Variants in RHD observed in about 807,000 individuals in gnomAD.
RHD encodes blood group Rh(D) polypeptide.
RHD carries 16 observed loss-of-function variants against 45.5 expected under a neutral mutation model. The observed-to-expected ratio is 0.35, with a 90% CI of 0.24 to 0.53. The LOEUF is 0.53. Among genes scored for constraint, RHD ranks in the 20% least tolerant of loss-of-function variants. The pLI, the probability that RHD is intolerant of heterozygous loss-of-function variation, is 0.92. For missense variants in RHD, 306 were observed against 532.0 expected, an observed-to-expected ratio of 0.58 and a Z score of 4.18; for synonymous variants, 131 against 217.5, an observed-to-expected ratio of 0.60 and a Z score of 3.50.
chr1:25,285,676 C>G (rs1641918557), intron 2 of RHD, among the ~76,000 whole-genome samples: 1 of 135,208 alleles, frequency 7.4e-6, no homozygotes, highest in South Asian at 2.2e-4. Context: ...AAAATGTTCT[C>G]TATGTTCACC....
chr1:25,318,964 G>A (rs1280633078), intron 8 of RHD, among the ~76,000 whole-genome samples: 1 of 133,192 alleles, frequency 7.5e-6, no homozygotes, highest in Non-Finnish European at 1.8e-5. Flanking sequence ...AAGAAGCAGA[G>A]GCGGAGTAGC....
intron 9 of RHD, among the ~76,000 whole-genome samples, chr1:25,323,573 C>G (rs537576460): frequency 0.015 from 1,832 of 125,716 alleles, 322 homozygotes; most frequent in African/African-American, 0.047. Flanking sequence ...GATCCTCCCC[C>G]CTCAGCCTCC....
chr1:25,313,504 GAT>G lies in RHD; in HGVS notation c.1074-3492_1074-3491del, dbSNP rs1644275402. ...CATTGCTGTACCCTTTTTCCACTGG[GAT>G]ATAGTGTTCTGTCATGCTTGGGTCT... On this transcript the variant is annotated intron_variant, in intron 7 of 9. Transcript: ENST00000328664. 1.5e-5 allele frequency among the ~76,000 whole-genome samples: 2 copies of G among 132,102 alleles called. 1 individual carries two copies. The highest frequency in any genetic ancestry group is 3.6e-5 in the Non-Finnish European group (2 of 55,780). The allele number at this position is 132,102 out of a possible 152,430, so 86.7% of individuals were successfully genotyped here. A position where few individuals can be genotyped will look rare whatever the true frequency, so the allele number is the denominator to read the frequency against.
At position 25,277,140 on chromosome 1, in the gene RHD, T is replaced by A. The variant is rs1392808744; in HGVS notation, c.148+4445T>A. ...TTGCAATATGAAGAATATAGAGAAATGCATATCAAATCCTTCTCATTGGAC... is the reference window on the plus strand; with the variant it reads ...TTGCAATATGAAGAATATAGAGAAAAGCATATCAAATCCTTCTCATTGGAC... On this transcript the variant is annotated intron_variant, in intron 1 of 9. Transcript: ENST00000328664. Among the ~76,000 whole-genome samples the A allele has an allele frequency of 1.5e-5, 2 of 132,450 alleles. 1 individual carries two copies. Among genetic ancestry groups the A allele is most frequent in the Non-Finnish European group, 3.6e-5 (2 of 55,754 alleles). 86.9% of individuals were successfully genotyped at this position (132,450 alleles called of 152,430 possible).
rs1323162019 is a variant in RHD at position 25,283,264 on chromosome 1, C to T, written c.149-1309C>T. On this transcript the variant is annotated intron_variant, in intron 1 of 9. Coordinates refer to ENST00000328664, the MANE Select transcript of RHD (RefSeq NM_016124.6). ...CTTGGCTGTAGGCCAGGCCCTGTGG[C>T]TCATGTCTGTAATCCCATCACTTTG... Among the ~76,000 whole-genome samples, 4 of 132,436 alleles carry T rather than the reference C, an allele frequency of 3.0e-5. 1 individual carries two copies. The highest frequency in any genetic ancestry group is 5.4e-5 in the Non-Finnish European group (3 of 55,912). The allele number at this position is 132,436 out of a possible 152,430, so 86.9% of individuals were successfully genotyped here.
rs771694043 is a variant in RHD, at chr1:25,307,359, C to T, written c.1073+630C>T. On this transcript the variant is annotated intron_variant, in intron 7 of 9. Coordinates refer to ENST00000328664, the MANE Select transcript of RHD (RefSeq NM_016124.6). ...AATGGTCAGTTTGACACACCAGAGC[C>T]CTAGCCATTACTTCCTGGATGTTGT... Among the ~76,000 whole-genome samples the T allele has an allele frequency of 4.6e-5, 6 of 131,100 alleles. 2 individuals are homozygous for T. Among genetic ancestry groups the T allele is most frequent in the Non-Finnish European group, 1.1e-4 (6 of 55,520 alleles). The allele number at this position is 131,100 out of a possible 152,430, so 86.0% of individuals were successfully genotyped here.
Position 25,289,913 on chromosome 1 carries a change from C to T in RHD, c.336-728C>T, listed in dbSNP as rs2124639010. 1.5e-5 allele frequency among the ~76,000 whole-genome samples: 2 copies of T among 129,704 alleles called. 1 individual carries two copies. The highest frequency in any genetic ancestry group is 4.8e-4 in the South Asian group (2 of 4,206). 85.1% of individuals were successfully genotyped at this position (129,704 alleles called of 152,430 possible). ...TCATTGGTCAAAGGAAGGAAGGAAT[C>T]ATAATAGCGTTAATAAGGCTAGCGT... On this transcript the variant is annotated intron_variant, in intron 2 of 9. Transcript: ENST00000328664.
Position 25,299,986 on chromosome 1 carries a change from G to A in RHD, c.487-960G>A, listed in dbSNP as rs1478534228. ...GCTGGTATCGAACTCCTGACCTCAGGTGATCCACCCACCTCAGCCTCCCAA... is the reference window on the plus strand; with the variant it reads ...GCTGGTATCGAACTCCTGACCTCAGATGATCCACCCACCTCAGCCTCCCAA... On this transcript the variant is annotated intron_variant, in intron 3 of 9. Transcript: ENST00000328664. 2.8e-4 allele frequency among the ~76,000 whole-genome samples: 37 copies of A among 131,252 alleles called. 7 individuals are homozygous for A. The highest frequency in any genetic ancestry group is 9.4e-4 in the African/African-American group (36 of 38,126). 86.1% of individuals were successfully genotyped at this position (131,252 alleles called of 152,430 possible).
rs141287614 is a variant in RHD at position 25,301,080 on chromosome 1, G to C, written c.621G>C (p.Leu207Phe). Residue 207 changes from leucine (L) to phenylalanine (F), a missense_variant, in exon 4 of 10, where the codon TTG becomes TTC. Leu to Phe is a conservative substitution (Grantham distance 22). Transcript: ENST00000328664. ...ATCAGACAGCAACGATACCCAGTTTGTCTGCCATGCTGGGTAAGGACAAGG... is the reference window on the plus strand; with the variant it reads ...ATCAGACAGCAACGATACCCAGTTTCTCTGCCATGCTGGGTAAGGACAAGG... ...DKDQTATIPS[L>F]SAMLGALFLW... The C allele has an allele frequency of 1.1e-5, 15 of 1,376,450 alleles. 2 individuals are homozygous for C. The African/African-American group carries it at 2.0e-4, about 18-fold the overall frequency. 85.3% of individuals were successfully genotyped at this position (1,376,450 alleles called of 1,614,324 possible).
rs774750200 is a variant in RHD at position 25,301,470 on chromosome 1, C to T, written c.635-50C>T. ...CATCCAAAACCCCTCGAGGCTCAGA[C>T]CTTTGGAGCAGGAGTGTGATTCTGG... On this transcript the variant is annotated intron_variant, in intron 4 of 9. Coordinates refer to ENST00000328664, the MANE Select transcript of RHD (RefSeq NM_016124.6). 3.0e-6 allele frequency: 4 copies of T among 1,341,750 alleles called. 1 individual carries two copies. The highest frequency in any genetic ancestry group is 4.2e-6 in the Non-Finnish European group (4 of 946,304). 83.1% of individuals were successfully genotyped at this position (1,341,750 alleles called of 1,614,324 possible).
chr1:25,310,319 C>T lies in RHD; in HGVS notation c.1073+3590C>T, dbSNP rs1276130303. Among the ~76,000 whole-genome samples the T allele has an allele frequency of 2.4e-4, 32 of 132,792 alleles. 4 individuals carry two copies. Among genetic ancestry groups the T allele is most frequent in the African/African-American group, 7.9e-4 (31 of 39,284 alleles). 87.1% of individuals were successfully genotyped at this position (132,792 alleles called of 152,430 possible). A position where few individuals can be genotyped will look rare whatever the true frequency, so the allele number is the denominator to read the frequency against. ...GGTCATGGGGTGAGGTATGATGGCACTGGTGACTTATAAGAAGAGAAAGAG... is the reference window on the plus strand; with the variant it reads ...GGTCATGGGGTGAGGTATGATGGCATTGGTGACTTATAAGAAGAGAAAGAG... On this transcript the variant is annotated intron_variant, in intron 7 of 9. Coordinates refer to ENST00000328664, the MANE Select transcript of RHD (RefSeq NM_016124.6).
intron 8 of RHD, among the ~76,000 whole-genome samples, chr1:25,319,602 C>G (rs1391477808): frequency 7.6e-6 from 1 of 132,048 alleles, no homozygotes; most frequent in Non-Finnish European, 1.8e-5. Context: ...GAGCAAGACC[C>G]TGTCTCAAAA....
chr1:25,308,668 C>G (rs1379315333), intron 7 of RHD, among the ~76,000 whole-genome samples: 1 of 130,316 alleles, frequency 7.7e-6, no homozygotes, highest in Non-Finnish European at 1.8e-5. Context: ...CCTATGGGAA[C>G]TGGCTCCAGC....
chr1:25,274,936 A>G lies in RHD; in HGVS notation c.148+2241A>G, dbSNP rs1640819894. Among the ~76,000 whole-genome samples, 2 of 130,966 alleles carry G rather than the reference A, an allele frequency of 1.5e-5. 1 individual carries two copies. Among genetic ancestry groups the G allele is most frequent in the Non-Finnish European group, 3.6e-5 (2 of 55,202 alleles). The allele number at this position is 130,966 out of a possible 152,430, so 85.9% of individuals were successfully genotyped here. A position where few individuals can be genotyped will look rare whatever the true frequency, so the allele number is the denominator to read the frequency against. On this transcript the variant is annotated intron_variant, in intron 1 of 9. Coordinates refer to ENST00000328664, the MANE Select transcript of RHD (RefSeq NM_016124.6). ...ACACTCCAGCCTGGGCGCCAGAGTGAGACTTCATCTCAAAAAACCAAACAA... is the reference window on the plus strand; with the variant it reads ...ACACTCCAGCCTGGGCGCCAGAGTGGGACTTCATCTCAAAAAACCAAACAA...
rs615810 is a variant in RHD, at chr1:25,281,184, G to C, written c.149-3389G>C. Among the ~76,000 whole-genome samples the C allele has an allele frequency of 3.9e-3, 512 of 132,074 alleles. 85 individuals are homozygous for C. The highest frequency in any genetic ancestry group is 0.012 in the Middle Eastern group (3 of 242). The allele number at this position is 132,074 out of a possible 152,430, so 86.6% of individuals were successfully genotyped here. On this transcript the variant is annotated intron_variant, in intron 1 of 9. Coordinates refer to ENST00000328664, the MANE Select transcript of RHD (RefSeq NM_016124.6). ...ACATAGTTCCAGGCATTCAGAGCTG[G>C]GCTCTGCTGCCGGCATGTTTGGGGC... is the stretch of plus-strand genomic sequence containing the variant.
intron 1 of RHD, among the ~76,000 whole-genome samples, chr1:25,276,569 C>A (rs183062154): frequency 0.012 from 1,326 of 106,172 alleles, 157 homozygotes; most frequent in African/African-American, 0.058. Context: ...TAAAATTTAA[C>A]CCAGTGTGGT....
chr1:25,289,194 G>T (rs28394582), intron 2 of RHD, among the ~76,000 whole-genome samples: 12,848 of 131,818 alleles, frequency 0.097, 3,250 homozygotes, highest in African/African-American at 0.31. Flanking sequence ...TACAGAGAGT[G>T]AATTTTTTTT....
Position 25,306,461 on chromosome 1 carries a change from G to A in RHD, c.940-135G>A, listed in dbSNP as rs1235610117. On this transcript the variant is annotated intron_variant, in intron 6 of 9. Transcript: ENST00000328664. The stretch of plus-strand genomic sequence containing the variant: ...ATGATGTGAGTGCACATTCAAGTCT[G>A]AGAAGGGCTTCTTTGAGGTGAGCCT... The A allele has an allele frequency of 2.3e-6, 2 of 877,450 alleles. 1 individual carries two copies. Among genetic ancestry groups the A allele is most frequent in the Non-Finnish European group, 3.7e-6 (2 of 537,376 alleles). 54.4% of individuals were successfully genotyped at this position (877,450 alleles called of 1,614,324 possible). A position where few individuals can be genotyped will look rare whatever the true frequency, so the allele number is the denominator to read the frequency against.
rs138433414 is a variant in RHD, at chr1:25,288,032, T to G, written c.336-2609T>G. On this transcript the variant is annotated intron_variant, in intron 2 of 9. Transcript: ENST00000328664. ...GCCACTGTGTCCAGCCTAAAACTGT[T>G]TTTGAGACAGGGTCTCACTCTGTTG... Among the ~76,000 whole-genome samples the G allele has an allele frequency of 3.9e-3, 513 of 132,708 alleles. 74 individuals carry two copies. Among genetic ancestry groups the G allele is most frequent in the African/African-American group, 0.012 (481 of 39,008 alleles). 87.1% of individuals were successfully genotyped at this position (132,708 alleles called of 152,430 possible).
Sources: allele counts gnomAD v4.1 joint callset (sites outside exome capture counted in the v4.1 genomes callset), GRCh38; gene constraint gnomAD v4.1.1; transcripts MANE v1.5; gene names NCBI Gene and HGNC (gene_info 2026-07-23, HGNC 2026-07-21).